Variants in PSRC1 observed in about 807,000 individuals in gnomAD.
The protein encoded by PSRC1 is proline/serine-rich coiled-coil protein 1.
In PSRC1, 30 loss-of-function variants were observed where a neutral mutation model predicts 31.9. The ratio of observed to expected loss-of-function variants is 0.94; its 90% confidence interval spans 0.70 to 1.28. PSRC1 has a LOEUF of 1.28. Among genes scored for constraint, PSRC1 ranks in the 50% most tolerant of loss-of-function variants. The probability of loss-of-function intolerance (pLI) is 0.00; values close to 1 mark genes in which losing one functional copy is unlikely to be tolerated. For missense variants in PSRC1, 481 were observed against 472.8 expected (o/e 1.02, Z -0.16); for synonymous variants, 191 against 192.1 (o/e 0.99, Z 0.05).
exon 5 of PSRC1, chr1:109,281,147 T>A (rs778396520): frequency 6.2e-7 from 1 of 1,613,458 alleles, no homozygotes; most frequent in East Asian, 2.2e-5. Context: ...TGGCTGCTGC[T>A]CTCCCACTGG....
exon 3 of PSRC1, chr1:109,282,542 A>T: frequency 1.2e-6 from 2 of 1,614,120 alleles, no homozygotes; most frequent in Non-Finnish European, 1.7e-6. Context: ...CAGCCCCCCA[A>T]AGTCCAAGGT....
chr1:109,282,677 T>C lies in PSRC1; in HGVS notation c.19+3A>G. 1 of 1,560,632 alleles carries C rather than the reference T, an allele frequency of 6.4e-7. No homozygotes were observed. On this transcript the variant is annotated splice_donor_region_variant and intron_variant, in intron 2 of 6. Coordinates refer to ENST00000409138, the Ensembl canonical transcript of PSRC1. ...TTCATTCTTCCCTCCCTCCTTTCCT[T>C]ACCTTCCTCCAAATCCTCCATGTCC...
intron 5 of PSRC1, 130 bp from the exon 7 acceptor site, chr1:109,280,619 A>G: frequency 1.1e-6 from 1 of 952,328 alleles, no homozygotes; most frequent in Non-Finnish European, 1.6e-6. Context: ...GAAAACTAAG[A>G]CTCAGACTCT....
At position 109,281,444 on chromosome 1, in the gene PSRC1, TATACTC is replaced by T. The variant is rs1485229481; in HGVS notation, c.519+169_519+174del. 7 of 741,506 alleles carry T rather than the reference TATACTC, an allele frequency of 9.4e-6. No homozygotes were observed. In the Admixed American group the frequency reaches 1.5e-4, roughly 15 times the overall value. The allele number at this position is 741,506 out of a possible 1,614,324, so 45.9% of individuals were successfully genotyped here. ...CCATTTATTGAGTTTATCATAGACA[TATACTC>T]AGACACTGTGGTAAGAGTTTTGGTT... On this transcript the variant is annotated intron_variant, in intron 4 of 6. Coordinates refer to ENST00000409138, the Ensembl canonical transcript of PSRC1.
At chr1:109,281,808 G>C (rs1369177837) in exon 4 of PSRC1, 2 of 1,613,924 alleles carry the variant, frequency 1.2e-6, no homozygotes, top group Admixed American at 1.7e-5. Context: ...GCCGAGGACT[G>C]GGCTTCACTC....
chr1:109,281,249 C>T (rs1406465191), exon 5 of PSRC1: 18 of 1,586,616 alleles, frequency 1.1e-5, no homozygotes, highest in Non-Finnish European at 1.5e-5. Context: ...AAGTGGGTGA[C>T]TCCTGAAACA....
exon 7 of PSRC1, chr1:109,279,619 A>G (rs1656718605): frequency 6.4e-6 from 1 of 156,472 alleles, no homozygotes; most frequent in African/African-American, 2.4e-5. Context: ...GAGTAAGCTT[A>G]TCACAAACTG....
intron 6 of PSRC1, 81 bp from the exon 8 acceptor site, chr1:109,280,237 T>C: frequency 6.5e-7 from 1 of 1,548,286 alleles, no homozygotes; most frequent in Non-Finnish European, 8.9e-7. Flanking sequence ...TTCAAGCTCC[T>C]CAGGGTGGGA....
exon 5 of PSRC1, chr1:109,280,795 G>C (rs201557600): frequency 1.3e-5 from 20 of 1,581,112 alleles, no homozygotes; most frequent in East Asian, 2.3e-5. Context: ...CCACTTTCCC[G>C]CACTCTGTGT....
chr1:109,279,850 G>A (rs955964626), exon 7 of PSRC1: 1 of 468,776 alleles, frequency 2.1e-6, no homozygotes, highest in Admixed American at 3.4e-5. Context: ...ACAACAGTGG[G>A]GGTGGATAAA....
At chr1:109,280,134 G>T in exon 7 of PSRC1, 3 of 1,614,092 alleles carry the variant, frequency 1.9e-6, no homozygotes, top group Non-Finnish European at 2.5e-6. Flanking sequence ...CTGAAGTCTT[G>T]CTTGCTGTCC....
exon 5 of PSRC1, chr1:109,280,874 A>G: frequency 6.2e-7 from 1 of 1,614,020 alleles, no homozygotes; most frequent in Non-Finnish European, 8.5e-7. Context: ...CACCTCTGCC[A>G]GGTGGCACAC....
Sources: allele counts gnomAD v4.1 joint callset, GRCh38; gene constraint gnomAD v4.1.1; transcripts MANE v1.5; gene names NCBI Gene and HGNC (gene_info 2026-07-23, HGNC 2026-07-21).